Variants in DPYD observed in about 807,000 individuals in gnomAD.
DPYD encodes dihydropyrimidine dehydrogenase [NADP(+)].
Under a neutral mutation model 116.2 loss-of-function variants are expected in DPYD, and 109 were observed. That is an observed-to-expected ratio of 0.94 (90% confidence interval 0.80 to 1.10). DPYD has a LOEUF of 1.10. Among genes scored for constraint, DPYD ranks in the 50% least tolerant of loss-of-function variants. The pLI, the probability that DPYD is intolerant of heterozygous loss-of-function variation, is 0.00. For missense variants in DPYD, 1,302 were observed against 1,254.5 expected (o/e 1.04, Z -0.57); for synonymous variants, 440 against 432.0 (o/e 1.02, Z -0.23).
At chr1:97,351,590 G>A (rs553761461) in intron 16 of DPYD, among the ~76,000 whole-genome samples, 50 of 151,106 alleles carry the variant, frequency 3.3e-4, no homozygotes, top group South Asian at 1.9e-3. Context: ...AATCATGTCC[G>A]TGGTAGAAGA....
At chr1:97,463,856 G>T (rs4604729) in intron 13 of DPYD, among the ~76,000 whole-genome samples, 125,024 of 152,120 alleles carry the variant, frequency 0.82, 51,651 homozygotes, top group Non-Finnish European at 0.87. Context: ...GCAGAAGAAA[G>T]TTCTAAGCAG....
At chr1:97,696,534 T>C (rs147254252) in intron 6 of DPYD, among the ~76,000 whole-genome samples, 1 of 152,252 alleles carries the variant, frequency 6.6e-6, no homozygotes, top group Admixed American at 6.5e-5. Context: ...TAGGAATGAT[T>C]ATTTTCCAAG....
intron 5 of DPYD, among the ~76,000 whole-genome samples, chr1:97,699,849 T>C (rs1265691977): frequency 6.6e-6 from 1 of 151,998 alleles, no homozygotes; most frequent in Non-Finnish European, 1.5e-5. Context: ...AATCTGTATG[T>C]CTCTAACATA....
intron 1 of DPYD, among the ~76,000 whole-genome samples, chr1:97,895,863 G>C (rs1033468163): frequency 5.3e-5 from 8 of 151,674 alleles, no homozygotes; most frequent in African/African-American, 1.9e-4. Flanking sequence ...AGTAGTATTA[G>C]CTGTATATGC....
At chr1:97,663,750 GT>G (rs1659398409) in intron 8 of DPYD, among the ~76,000 whole-genome samples, 1 of 152,148 alleles carries the variant, frequency 6.6e-6, no homozygotes. Flanking sequence ...GTTTGTGTTT[GT>G]CCCTATTTGT....
chr1:97,824,630 T>C (rs1435367559), intron 3 of DPYD, among the ~76,000 whole-genome samples: 1 of 152,208 alleles, frequency 6.6e-6, no homozygotes, highest in Non-Finnish European at 1.5e-5. Flanking sequence ...AGCATTGGTC[T>C]AGATGTCTCT....
At chr1:97,457,415 T>A (rs543115179) in intron 13 of DPYD, among the ~76,000 whole-genome samples, 1 of 152,156 alleles carries the variant, frequency 6.6e-6, no homozygotes, top group Non-Finnish European at 1.5e-5. Flanking sequence ...CACATAATCA[T>A]GTAGCCTTTT....
intron 13 of DPYD, among the ~76,000 whole-genome samples, chr1:97,510,254 C>T (rs967838949): frequency 2.0e-5 from 3 of 151,854 alleles, no homozygotes; most frequent in African/African-American, 7.3e-5. Context: ...ATTCTCCATC[C>T]CTGGAGCAAG....
chr1:97,869,796 C>G (rs1332641160), intron 2 of DPYD, among the ~76,000 whole-genome samples: 2 of 151,822 alleles, frequency 1.3e-5, no homozygotes, highest in African/African-American at 2.4e-5. Flanking sequence ...CACGATTTAT[C>G]TCCCTTTATT....
intron 2 of DPYD, among the ~76,000 whole-genome samples, chr1:97,833,781 T>C (rs903053837): frequency 3.9e-5 from 6 of 151,972 alleles, no homozygotes; most frequent in South Asian, 2.1e-4. Context: ...TATGGTGAAA[T>C]AGAAAAAAAT....
intron 16 of DPYD, among the ~76,000 whole-genome samples, chr1:97,333,544 G>A (rs1254465634): frequency 5.8e-5 from 6 of 103,258 alleles, no homozygotes; most frequent in Non-Finnish European, 1.1e-4. Flanking sequence ...TTTTTGAGAT[G>A]GAGTCTCACA....
chr1:97,264,492 T>C (rs1172596621), intron 18 of DPYD, among the ~76,000 whole-genome samples: 1 of 152,010 alleles, frequency 6.6e-6, no homozygotes, highest in Non-Finnish European at 1.5e-5. Flanking sequence ...CTTCCCACTT[T>C]ATACATTTCT....
intron 16 of DPYD, among the ~76,000 whole-genome samples, chr1:97,335,164 G>A (rs1034808087): frequency 3.9e-5 from 6 of 152,074 alleles, no homozygotes; most frequent in Admixed American, 3.3e-4. Flanking sequence ...ATTAGAAGAT[G>A]TTTCCTAACA....
At chr1:97,839,891 C>A (rs1203979119) in intron 2 of DPYD, among the ~76,000 whole-genome samples, 1 of 152,150 alleles carries the variant, frequency 6.6e-6, no homozygotes, top group Non-Finnish European at 1.5e-5. Flanking sequence ...CAGTTGGAGA[C>A]TGAAAAGCAT....
At chr1:97,575,612 G>T (rs1329602644) in intron 10 of DPYD, among the ~76,000 whole-genome samples, 1 of 152,006 alleles carries the variant, frequency 6.6e-6, no homozygotes, top group Non-Finnish European at 1.5e-5. Context: ...TGAAAATCAA[G>T]AAATTAGCAA....
At chr1:97,250,121 T>C (rs1662988710) in intron 18 of DPYD, among the ~76,000 whole-genome samples, 1 of 151,640 alleles carries the variant, frequency 6.6e-6, no homozygotes, top group South Asian at 2.1e-4. Context: ...ACACAAAAAA[T>C]AAGCCGGGTG....
intron 3 of DPYD, among the ~76,000 whole-genome samples, chr1:97,747,736 T>G (rs79808923): frequency 0.048 from 7,292 of 152,268 alleles, 237 homozygotes; most frequent in South Asian, 0.081. Context: ...TCCAAGGCCT[T>G]TAAGTGTATT....
At chr1:97,329,227 CT>C (rs1668856416) in intron 16 of DPYD, among the ~76,000 whole-genome samples, 1 of 152,244 alleles carries the variant, frequency 6.6e-6, no homozygotes, top group East Asian at 1.9e-4. Context: ...AATTTGAATA[CT>C]GCATAAATTC....
chr1:97,529,112 T>C (rs1347635337), intron 12 of DPYD, among the ~76,000 whole-genome samples: 1 of 152,146 alleles, frequency 6.6e-6, no homozygotes, highest in Non-Finnish European at 1.5e-5. Context: ...TGATGTATTC[T>C]TTTTCCATAC....
Sources: gnomAD v4.1 joint callset for allele counts (sites outside exome capture counted in the v4.1 genomes callset) on GRCh38, gnomAD v4.1.1 for gene constraint, MANE v1.5 for transcripts, NCBI Gene and HGNC (gene_info 2026-07-23, HGNC 2026-07-21) for gene names.